Variants in MYO9A observed in about 807,000 individuals in gnomAD.
MYO9A encodes unconventional myosin-IXa.
In MYO9A, 103 loss-of-function variants were observed where a neutral mutation model predicts 293.3. That is an observed-to-expected ratio of 0.35 (90% CI 0.30 to 0.41). The LOEUF (loss-of-function observed/expected upper bound fraction) is 0.41, where lower values mean the gene tolerates loss of function less well. Among genes scored for constraint, MYO9A ranks in the 10% least tolerant of loss-of-function variants. The pLI is 1.00. For missense variants in MYO9A, 2,685 were observed against 3,033.0 expected, an observed-to-expected ratio of 0.89 and a Z score of 2.69; for synonymous variants, 1,001 against 1,035.7, an observed-to-expected ratio of 0.97 and a Z score of 0.64.
chr15:72,109,357 TC>T (rs1384616923), intron 1 of MYO9A, among the ~76,000 whole-genome samples: 1 of 148,598 alleles, frequency 6.7e-6, no homozygotes, highest in Non-Finnish European at 1.5e-5. Flanking sequence ...GCCACTGCAC[TC>T]CAGCCTGGGT....
chr15:72,108,817 C>T (rs1202247396), intron 1 of MYO9A, among the ~76,000 whole-genome samples: 2 of 141,580 alleles, frequency 1.4e-5, no homozygotes, highest in African/African-American at 5.3e-5. Context: ...GGCTGGAGGG[C>T]AATGGTGCAA....
intron 12 of MYO9A, 25 bp from the exon 13 acceptor site, chr15:71,968,150 T>TA: frequency 2.6e-6 from 4 of 1,531,884 alleles, no homozygotes; most frequent in Non-Finnish European, 3.5e-6. Context: ...AAAGAAAAAA[T>TA]ATCATTACAG....
At chr15:71,861,185 G>C (rs1448001331) in intron 33 of MYO9A, among the ~76,000 whole-genome samples, 3 of 151,198 alleles carry the variant, frequency 2.0e-5, no homozygotes, top group East Asian at 3.9e-4. Context: ...AACTGCTGTT[G>C]AACCATGGAA....
intron 32 of MYO9A, among the ~76,000 whole-genome samples, chr15:71,867,038 C>T (rs183868007): frequency 9.2e-5 from 14 of 151,752 alleles, no homozygotes; most frequent in African/African-American, 3.1e-4. Context: ...GCCTTGGCAA[C>T]AGAGTGAGAC....
At chr15:71,894,289 C>T (rs938660055) in intron 25 of MYO9A, among the ~76,000 whole-genome samples, 6 of 152,210 alleles carry the variant, frequency 3.9e-5, no homozygotes, top group East Asian at 1.9e-4. Flanking sequence ...TAAAACTTGA[C>T]GTTGAGGCTG....
intron 15 of MYO9A, among the ~76,000 whole-genome samples, chr15:71,945,667 T>TAGGAA (rs1567303018): frequency 2.6e-5 from 4 of 152,184 alleles, no homozygotes; most frequent in African/African-American, 9.7e-5. Context: ...GTGTGATTCC[T>TAGGAA]TCACACTTCC....
chr15:71,969,464 C>T (rs908127588), intron 12 of MYO9A, among the ~76,000 whole-genome samples: 1 of 152,054 alleles, frequency 6.6e-6, no homozygotes, highest in African/African-American at 2.4e-5. Flanking sequence ...AATCATGTGC[C>T]CCCTCTGCTC....
chr15:71,983,481 T>C (rs2076330994), intron 11 of MYO9A, among the ~76,000 whole-genome samples: 1 of 137,332 alleles, frequency 7.3e-6, no homozygotes, highest in Middle Eastern at 3.5e-3. Context: ...TTTTTTTTTT[T>C]TTTTTTTTTT....
chr15:71,860,261 G>A (rs1184422117), intron 33 of MYO9A, among the ~76,000 whole-genome samples: 2 of 152,142 alleles, frequency 1.3e-5, no homozygotes, highest in African/African-American at 4.8e-5. Context: ...AAACTAATTG[G>A]GTAGCACAGT....
At chr15:71,864,199 C>T (rs545986601) in intron 32 of MYO9A, among the ~76,000 whole-genome samples, 39 of 152,186 alleles carry the variant, frequency 2.6e-4, no homozygotes, top group African/African-American at 8.4e-4. Flanking sequence ...TCAAAGAAGC[C>T]GTTCAAATGG....
intron 2 of MYO9A, among the ~76,000 whole-genome samples, chr15:72,037,059 G>T (rs1176368723): frequency 2.0e-5 from 3 of 149,540 alleles, no homozygotes; most frequent in African/African-American, 7.4e-5. Context: ...TTTTGCAACA[G>T]GGTCTCACTC....
chr15:71,919,356 T>C (rs894977517), intron 18 of MYO9A, among the ~76,000 whole-genome samples: 3 of 151,788 alleles, frequency 2.0e-5, no homozygotes, highest in Non-Finnish European at 2.9e-5. Flanking sequence ...TAAGGGAGGA[T>C]TGCTTGAGCT....
chr15:72,109,251 G>A (rs1305447214), intron 1 of MYO9A, among the ~76,000 whole-genome samples: 7 of 151,862 alleles, frequency 4.6e-5, no homozygotes, highest in African/African-American at 7.3e-5. Context: ...TTAGCCAGGC[G>A]TGGTGGCGGG....
chr15:71,874,576 G>A (rs1328494058), intron 32 of MYO9A, among the ~76,000 whole-genome samples: 1 of 152,200 alleles, frequency 6.6e-6, no homozygotes, highest in Non-Finnish European at 1.5e-5. Flanking sequence ...GATATGATTT[G>A]ATTTTTATGT....
At chr15:71,848,714 G>C (rs774276861) in intron 39 of MYO9A, 131 bp downstream of exon 39, 21 of 1,053,820 alleles carry the variant, frequency 2.0e-5, no homozygotes, top group Non-Finnish European at 2.8e-5. Context: ...ATAGCACCTT[G>C]AGATTTGGTG....
intron 14 of MYO9A, among the ~76,000 whole-genome samples, chr15:71,954,838 A>G (rs901960226): frequency 6.6e-6 from 1 of 152,238 alleles, no homozygotes; most frequent in Admixed American, 6.5e-5. Flanking sequence ...GCTCCAAAGT[A>G]TCATTCAGAC....
chr15:72,056,719 T>C (rs950918266), intron 1 of MYO9A, among the ~76,000 whole-genome samples: 2 of 152,108 alleles, frequency 1.3e-5, no homozygotes, highest in Non-Finnish European at 2.9e-5. Context: ...TCACGCCTGT[T>C]AATCCCAGTA....
chr15:72,045,741 C>T lies in MYO9A; in HGVS notation c.823G>A (p.Ala275Thr), dbSNP rs1485073921. 1.9e-6 allele frequency: 3 copies of T among 1,601,694 alleles called. No individual in the cohort carries two copies. Among genetic ancestry groups the T allele is most frequent in the Non-Finnish European group, 2.6e-6 (3 of 1,175,138 alleles). ...ATATTTACCTCAAGTACTGGTCCAG[C>T]TCCAAGAATAATCTGTTCTACTCCA... ...ASGVEQIILG[A>T]GPVLEAFGNA... The change falls in exon 2 of 42, where the codon GCT (alanine) becomes ACT (threonine). Residue 275 changes from alanine to threonine, a missense_variant. Physicochemically the swap from Ala to Thr is moderately conservative, Grantham distance 58. Around this residue, in one of 10 missense-constraint regions of MYO9A, gnomAD observed 289 missense variants for 456.8 expected, o/e 0.63. Transcript: ENST00000356056.
chr15:72,032,798 GATTTT>G (rs1596429177), intron 2 of MYO9A, among the ~76,000 whole-genome samples: 1 of 151,904 alleles, frequency 6.6e-6, no homozygotes, highest in East Asian at 1.9e-4. Flanking sequence ...AGATCAAGTA[GATTTT>G]ATTTTGTGCT....
Sources: allele counts gnomAD v4.1 joint callset (sites outside exome capture counted in the v4.1 genomes callset), GRCh38; gene constraint gnomAD v4.1.1; regional missense constraint gnomAD v4.1.1; transcripts MANE v1.5; gene names NCBI Gene and HGNC (gene_info 2026-07-23, HGNC 2026-07-21).